Variants in ADCK1 observed in about 807,000 individuals in gnomAD.
ADCK1 encodes aarF domain containing kinase 1, also known as aarF domain-containing protein kinase 1.
Under a neutral mutation model 52.3 loss-of-function variants are expected in ADCK1, and 41 were observed. That is an observed-to-expected ratio of 0.78 (90% CI 0.61 to 1.02). The LOEUF (loss-of-function observed/expected upper bound fraction) is 1.02, where lower values mean the gene tolerates loss of function less well. Ranked by LOEUF, ADCK1 falls within the 50% of genes least tolerant of loss-of-function variation. ADCK1 has a pLI of 0.00. For synonymous variants in ADCK1, 250 were observed against 274.6 expected (o/e 0.91, Z 0.89); for missense variants, 658 against 679.5 (o/e 0.97, Z 0.35).
intron 7 of ADCK1, among the ~76,000 whole-genome samples, chr14:77,917,719 C>CT (rs1046605924): frequency 6.6e-6 from 1 of 152,122 alleles, no homozygotes; most frequent in African/African-American, 2.4e-5. Context: ...TTCTCATTGA[C>CT]TTTTTTTTCC....
intron 7 of ADCK1, among the ~76,000 whole-genome samples, chr14:77,915,838 C>T (rs112253680): frequency 2.0e-5 from 3 of 152,162 alleles, no homozygotes; most frequent in African/African-American, 7.2e-5. Flanking sequence ...AGCTGTGCCA[C>T]CTTGGTGAAG....
chr14:77,857,842 A>G (rs967779536), intron 3 of ADCK1, among the ~76,000 whole-genome samples: 1 of 152,164 alleles, frequency 6.6e-6, no homozygotes, highest in Non-Finnish European at 1.5e-5. Flanking sequence ...GTTGACTGAG[A>G]TGGGAGGAGG....
chr14:77,870,006 C>T (rs56404400), intron 4 of ADCK1, among the ~76,000 whole-genome samples: 6,842 of 152,200 alleles, frequency 0.045, 314 homozygotes, highest in African/African-American at 0.11. Context: ...TTTATAAAAA[C>T]GTGAGAATGG....
chr14:77,831,139 G>A (rs2081839859), intron 3 of ADCK1, among the ~76,000 whole-genome samples: 1 of 152,200 alleles, frequency 6.6e-6, no homozygotes, highest in Non-Finnish European at 1.5e-5. Context: ...AAGCCTCTCA[G>A]TTGGGGGACT....
chr14:77,871,001 A>T (rs1200543249), intron 4 of ADCK1, among the ~76,000 whole-genome samples: 3 of 152,142 alleles, frequency 2.0e-5, no homozygotes, highest in Non-Finnish European at 4.4e-5. Flanking sequence ...GTCCTGGGAG[A>T]GGGGATGGCT....
At chr14:77,882,469 TG>T (rs1277631257) in intron 4 of ADCK1, among the ~76,000 whole-genome samples, 1 of 152,228 alleles carries the variant, frequency 6.6e-6, no homozygotes, top group Non-Finnish European at 1.5e-5. Flanking sequence ...GATACGGTGA[TG>T]TAGTTTCTAA....
In ADCK1 at chr14:77,931,484, A is replaced by G. The variant is rs770385013; in HGVS notation, c.1207-34A>G. 73 of 1,600,334 alleles carry G rather than the reference A, an allele frequency of 4.6e-5. 1 individual carries two copies. In the South Asian group the frequency reaches 5.7e-4, roughly 12 times the overall value. ...ACCCCTGGCCCCACTGCCCATACCA[A>G]CCATCTGTTTCTGTTGCCCCATTGC... On this transcript the variant is annotated intron_variant, in intron 9 of 10. Transcript: ENST00000238561.
chr14:77,914,767 C>T (rs933237151), intron 7 of ADCK1, among the ~76,000 whole-genome samples: 10 of 152,178 alleles, frequency 6.6e-5, no homozygotes, highest in African/African-American at 2.4e-4. Context: ...TTTGTAAAAA[C>T]AATGTTACTG....
At chr14:77,904,748 G>T (rs1403065496) in intron 6 of ADCK1, among the ~76,000 whole-genome samples, 1 of 152,182 alleles carries the variant, frequency 6.6e-6, no homozygotes, top group African/African-American at 2.4e-5. Context: ...TGGACCCAGG[G>T]GTCCTAATGG....
In ADCK1 at chr14:77,923,795, G is replaced by A. The variant is rs933393928; in HGVS notation, c.859-662G>A. 1 of 152,316 alleles carries A rather than the reference G, an allele frequency of 6.6e-6. No homozygotes were observed. The highest frequency in any genetic ancestry group is 1.5e-5 in the Non-Finnish European group (1 of 68,102). The allele number at this position is 152,316 out of a possible 1,614,324, so 9.4% of individuals were successfully genotyped here. The stretch of plus-strand genomic sequence containing the variant: ...CTCGTCAGGGAGAGCAGCAGTGACA[G>A]GATGATTTAAACGGCTTCTCTAGTG... On this transcript the variant is annotated intron_variant, in intron 7 of 10. Transcript: ENST00000238561. The surrounding 1 kb of genome is among the most constrained non-coding windows in gnomAD (Gnocchi z 4.3).
chr14:77,922,718 C>G (rs1595094119), intron 7 of ADCK1, among the ~76,000 whole-genome samples: 1 of 152,220 alleles, frequency 6.6e-6, no homozygotes, highest in Non-Finnish European at 1.5e-5. Context: ...CGACCCTTTT[C>G]TAGCCATGAG....
At chr14:77,827,786 A>G in intron 3 of ADCK1, 1 of 389,946 alleles carries the variant, frequency 2.6e-6, no homozygotes, top group Non-Finnish European at 4.9e-6. Context: ...ACCTAGTCCT[A>G]CTCCACTGCC....
chr14:77,819,069 C>T lies in ADCK1; in HGVS notation c.91C>T (p.Pro31Ser). The stretch of plus-strand genomic sequence containing the variant: ...CTTCTACAGTAACAAGTACTTGGAC[C>T]CTAATGACTTTGGCGCTGTCAGGGT... ...IYFYSNKYLD[P>S]NDFGAVRVGR... Residue 31 changes from proline (P) to serine (S), a missense_variant, in exon 2 of 11, where the codon CCT becomes TCT. Pro to Ser is a moderately conservative substitution (Grantham distance 74). Transcript: ENST00000238561. 1 of 1,614,170 alleles carries T rather than the reference C, an allele frequency of 6.2e-7. No homozygotes were observed. Among genetic ancestry groups the T allele is most frequent in the Non-Finnish European group, 8.5e-7 (1 of 1,180,042 alleles).
intron 1 of ADCK1, among the ~76,000 whole-genome samples, chr14:77,811,121 A>G (rs939391630): frequency 4.0e-5 from 6 of 151,874 alleles, no homozygotes; most frequent in Admixed American, 3.9e-4. Flanking sequence ...AGTGGGGGCC[A>G]CCTAGAATGT....
chr14:77,861,674 A>G (rs1451505542), intron 4 of ADCK1, among the ~76,000 whole-genome samples: 1 of 152,124 alleles, frequency 6.6e-6, no homozygotes, highest in African/African-American at 2.4e-5. Flanking sequence ...CAGAGATTCC[A>G]TAAGTGCTCC....
At chr14:77,865,037 T>G (rs540568273) in intron 4 of ADCK1, among the ~76,000 whole-genome samples, 2 of 152,166 alleles carry the variant, frequency 1.3e-5, no homozygotes, top group South Asian at 4.1e-4. Context: ...ATCCCAGCAC[T>G]TTGGGAGGCT....
At chr14:77,887,553 A>G (rs2083187015) in intron 5 of ADCK1, among the ~76,000 whole-genome samples, 1 of 152,220 alleles carries the variant, frequency 6.6e-6, no homozygotes, top group Non-Finnish European at 1.5e-5. Context: ...ATGTTGTAGA[A>G]ATGAGCTGAA....
chr14:77,858,239 T>G (rs2082464249), intron 3 of ADCK1, among the ~76,000 whole-genome samples: 1 of 152,030 alleles, frequency 6.6e-6, no homozygotes, highest in African/African-American at 2.4e-5. Flanking sequence ...TATTAGTGAT[T>G]TCTTTCTTTC....
chr14:77,906,711 C>T (rs1026937825), intron 6 of ADCK1, among the ~76,000 whole-genome samples: 13 of 152,154 alleles, frequency 8.5e-5, no homozygotes, highest in East Asian at 1.9e-4. Context: ...ATGGCTGCTA[C>T]AGCACCAACA....
Sources: allele counts gnomAD v4.1 joint callset (sites outside exome capture counted in the v4.1 genomes callset), GRCh38; gene constraint gnomAD v4.1.1; non-coding constraint Gnocchi (gnomAD v3.1); transcripts MANE v1.5; gene names NCBI Gene and HGNC (gene_info 2026-07-23, HGNC 2026-07-21).